CWH43: variants seen among roughly 807,000 people sequenced by gnomAD.
The protein encoded by CWH43 is cell wall biogenesis 43 C-terminal homolog.
In CWH43, 91 loss-of-function variants were observed where a neutral mutation model predicts 85.7. That is an observed-to-expected ratio of 1.06 (90% CI 0.90 to 1.26). The LOEUF is 1.26. Ranked by LOEUF, CWH43 falls within the 50% of genes most tolerant of loss-of-function variation. The probability of loss-of-function intolerance (pLI) is 0.00; values close to 1 mark genes in which losing one functional copy is unlikely to be tolerated. For missense variants in CWH43, 869 were observed against 839.2 expected (o/e 1.04, Z -0.44); for synonymous variants, 323 against 293.6 (o/e 1.10, Z -1.02).
Position 49,003,853 on chromosome 4 carries a change from C to T in CWH43, c.921C>T (p.Asn307=), listed in dbSNP as rs1370829004. 1.2e-6 allele frequency: 2 copies of T among 1,614,032 alleles called. No homozygotes were observed. Among genetic ancestry groups the T allele is most frequent in the South Asian group, 2.2e-5 (2 of 91,088 alleles). The part of the protein sequence containing the change: ...MWPQTLGHLI[N]SGTNPGKTMT... ...CCCAAACACTTGGACACCTTATTAA[C>T]TCAGGGACAAACCCTGGGAAAACCA... is the stretch of plus-strand genomic sequence containing the variant. The change falls in exon 7 of 16, where the codon AAC becomes AAT. Residue 307 remains asparagine, a synonymous_variant. Transcript: ENST00000226432.
At chr4:49,031,081 G>A in intron 11 of CWH43, 121 bp downstream of exon 11, 1 of 913,086 alleles carries the variant, frequency 1.1e-6, no homozygotes, top group Non-Finnish European at 1.6e-6. Context: ...TGCTTCTTGG[G>A]GGATGAGGAG....
intron 12 of CWH43, among the ~76,000 whole-genome samples, chr4:49,036,052 C>T (rs1012248567): frequency 1.3e-5 from 2 of 152,196 alleles, no homozygotes; most frequent in Non-Finnish European, 2.9e-5. Context: ...GCCTTAAGGC[C>T]GAAGGAACAG....
At chr4:48,990,035 C>T (rs1339264819) in intron 2 of CWH43, among the ~76,000 whole-genome samples, 2 of 152,144 alleles carry the variant, frequency 1.3e-5, no homozygotes, top group African/African-American at 4.8e-5. Context: ...ACTTTCTTGT[C>T]ACCTTTGGTG....
chr4:49,052,819 G>A (rs977293997), intron 15 of CWH43, among the ~76,000 whole-genome samples: 4 of 152,044 alleles, frequency 2.6e-5, no homozygotes, highest in East Asian at 1.9e-4. Context: ...TCACACCTTA[G>A]CAATTTTCAC....
intron 15 of CWH43, among the ~76,000 whole-genome samples, chr4:49,057,225 C>A (rs1345460505): frequency 6.6e-6 from 1 of 152,164 alleles, no homozygotes; most frequent in Non-Finnish European, 1.5e-5. Flanking sequence ...GGTCAGAGTA[C>A]AGCTTGGTTT....
At chr4:49,033,858 G>A (rs1784180562) in intron 12 of CWH43, among the ~76,000 whole-genome samples, 1 of 152,234 alleles carries the variant, frequency 6.6e-6, no homozygotes, top group South Asian at 2.1e-4. Context: ...CTGCATTAAT[G>A]ACATGAGGCC....
chr4:49,017,397 A>G, intron 9 of CWH43, 69 bp downstream of exon 9: 2 of 1,175,762 alleles, frequency 1.7e-6, no homozygotes, highest in Non-Finnish European at 2.5e-6. Context: ...TGTACAATTT[A>G]CCATTCTGAT....
At chr4:49,020,144 T>A (rs1783693982) in intron 9 of CWH43, among the ~76,000 whole-genome samples, 1 of 152,090 alleles carries the variant, frequency 6.6e-6, no homozygotes, top group Admixed American at 6.6e-5. Flanking sequence ...TGTAGTCTTT[T>A]ATTCCTCACT....
chr4:49,038,785 G>T (rs974497914), intron 13 of CWH43, among the ~76,000 whole-genome samples: 3 of 152,126 alleles, frequency 2.0e-5, no homozygotes, highest in Admixed American at 2.0e-4. Flanking sequence ...GGGGCTGGGT[G>T]CGGTGGCTCA....
intron 2 of CWH43, 96 bp downstream of exon 2, chr4:48,988,764 T>A: frequency 1.3e-6 from 1 of 765,274 alleles, no homozygotes; most frequent in Non-Finnish European, 1.9e-6. Context: ...TATTTGAATT[T>A]AAAAAATCAA....
intron 1 of CWH43, chr4:48,986,884 C>T (rs1364565257): frequency 2.2e-6 from 2 of 889,478 alleles, no homozygotes; most frequent in South Asian, 5.1e-5. Context: ...CACCCGTTTT[C>T]CCCAGGAGCT....
chr4:49,005,659 A>G (rs1198734875), intron 7 of CWH43, among the ~76,000 whole-genome samples: 1 of 147,780 alleles, frequency 6.8e-6, no homozygotes, highest in African/African-American at 2.5e-5. Flanking sequence ...TCCCCCCTCA[A>G]CCTCCCAAGT....
chr4:48,996,562 CA>C (rs969719546), intron 5 of CWH43, among the ~76,000 whole-genome samples: 1 of 152,106 alleles, frequency 6.6e-6, no homozygotes, highest in African/African-American at 2.4e-5. Flanking sequence ...AAGAAAGGAA[CA>C]AAAGGCCAGA....
At chr4:49,010,929 G>C (rs559556326) in intron 8 of CWH43, among the ~76,000 whole-genome samples, 2 of 152,288 alleles carry the variant, frequency 1.3e-5, no homozygotes, top group South Asian at 4.1e-4. Context: ...GTGTGATGTG[G>C]TTCTGAGAAA....
At chr4:49,054,919 A>ATT (rs1491360865) in intron 15 of CWH43, among the ~76,000 whole-genome samples, 1 of 135,660 alleles carries the variant, frequency 7.4e-6, no homozygotes, top group African/African-American at 2.8e-5. Flanking sequence ...GTTTTTAGGG[A>ATT]TATATATATA....
intron 13 of CWH43, among the ~76,000 whole-genome samples, chr4:49,044,105 T>A (rs940725819): frequency 1.3e-5 from 2 of 152,174 alleles, no homozygotes; most frequent in African/African-American, 4.8e-5. Flanking sequence ...AAAATGGAGA[T>A]TTCTTTCTTC....
Position 48,988,502 on chromosome 4 carries a change from T to C in CWH43, c.69T>C (p.His23=). 6.3e-7 allele frequency: 1 copy of C among 1,598,008 alleles called. No individual in the cohort carries two copies. Residue 23 remains histidine, a synonymous_variant, in exon 2 of 16, where the codon CAT becomes CAC. Transcript: ENST00000226432. ...LLGCVSWSLY[H]DLGPMIYYFP... is the part of the protein sequence containing the mutation. ...GATGTGTTTCTTGGTCTCTCTACCA[T>C]GACCTGGGACCGATGATCTATTACT... is the stretch of plus-strand genomic sequence containing the variant.
At chr4:49,049,552 G>GCAA (rs576432944) in intron 14 of CWH43, among the ~76,000 whole-genome samples, 94 of 151,420 alleles carry the variant, frequency 6.2e-4, no homozygotes, top group Non-Finnish European at 1.2e-3. Flanking sequence ...AACAACAACA[G>GCAA]CAACAACAAC....
At chr4:49,055,644 C>T (rs1784927305) in intron 15 of CWH43, among the ~76,000 whole-genome samples, 1 of 150,670 alleles carries the variant, frequency 6.6e-6, no homozygotes, top group Non-Finnish European at 1.5e-5. Flanking sequence ...TGCTGGAATG[C>T]AATGGCACGA....
Sources: allele counts gnomAD v4.1 joint callset (sites outside exome capture counted in the v4.1 genomes callset), GRCh38; gene constraint gnomAD v4.1.1; transcripts MANE v1.5; gene names NCBI Gene and HGNC (gene_info 2026-07-23, HGNC 2026-07-21).